Variants in PDCL3 observed in about 807,000 individuals in gnomAD.
PDCL3 encodes phosducin like 3, also known as phosducin-like protein 3.
PDCL3 carries 22 observed loss-of-function variants against 26.5 expected under a neutral mutation model. That is an observed-to-expected ratio of 0.83 (90% CI 0.59 to 1.19). The LOEUF is 1.19. PDCL3 is among the 50% of genes most tolerant of loss of function. The pLI, the probability that PDCL3 is intolerant of heterozygous loss-of-function variation, is 0.00. For missense variants in PDCL3, 246 were observed against 294.1 expected, an observed-to-expected ratio of 0.84 and a Z score of 1.20; for synonymous variants, 81 against 104.9, an observed-to-expected ratio of 0.77 and a Z score of 1.39.
chr2:100,574,006 TA>T (rs1255508905), intron 5 of PDCL3, among the ~76,000 whole-genome samples: 1 of 152,092 alleles, frequency 6.6e-6, no homozygotes, highest in Non-Finnish European at 1.5e-5. Context: ...GAGATATATA[TA>T]TTTTTTTAAT....
At chr2:100,575,775 T>G (rs1216600675) in intron 5 of PDCL3, among the ~76,000 whole-genome samples, 1 of 152,232 alleles carries the variant, frequency 6.6e-6, no homozygotes, top group Admixed American at 6.5e-5. Context: ...GACATGAGGC[T>G]GAAGAGTTTA....
chr2:100,575,533 C>T (rs1470979804), intron 5 of PDCL3, among the ~76,000 whole-genome samples: 1 of 152,188 alleles, frequency 6.6e-6, no homozygotes, highest in Non-Finnish European at 1.5e-5. Context: ...TTACGTAGTC[C>T]TTTGGTTCTG....
chr2:100,572,363 C>T (rs1208167218), intron 5 of PDCL3, among the ~76,000 whole-genome samples: 2 of 151,886 alleles, frequency 1.3e-5, no homozygotes, highest in African/African-American at 2.4e-5. Flanking sequence ...TGGCACCTAC[C>T]ACCACGCCCA....
At chr2:100,568,672 T>C (rs761731629) in intron 2 of PDCL3, among the ~76,000 whole-genome samples, 1 of 151,970 alleles carries the variant, frequency 6.6e-6, no homozygotes, top group Non-Finnish European at 1.5e-5. Context: ...TGAGGCGGAA[T>C]AGGAGAAGAG....
At chr2:100,575,001 C>T (rs796282409) in intron 5 of PDCL3, among the ~76,000 whole-genome samples, 10 of 152,150 alleles carry the variant, frequency 6.6e-5, no homozygotes, top group African/African-American at 1.9e-4. Flanking sequence ...GGGAGATGGG[C>T]GGGAGGATCA....
intron 1 of PDCL3, among the ~76,000 whole-genome samples, chr2:100,564,009 C>T (rs1408775147): frequency 6.7e-6 from 1 of 149,764 alleles, no homozygotes; most frequent in East Asian, 2.0e-4. Flanking sequence ...CCTCCCGGGG[C>T]TAAGCCATCC....
Position 100,566,582 on chromosome 2 carries a change from T to A in PDCL3, c.86T>A (p.Leu29Ter), listed in dbSNP as rs1462024566. Residue 29 changes from leucine (L) to a stop codon, truncating the protein, a stop_gained, in exon 2 of 6, where the codon TTG (leucine) becomes TAG (stop). Transcript: ENST00000264254. LOFTEE classifies it high-confidence loss of function. Reference protein sequence around the residue: ...ILPPKESLKELEEEAEEEQRI... With the variant: ...ILPPKESLKE The stretch of plus-strand genomic sequence containing the variant: ...CCCCCCAAGGAAAGTCTGAAAGAAT[T>A]GGAAGAGGAGGCAGAAGAGGAGCAG... 1.7e-5 allele frequency: 27 copies of A among 1,613,930 alleles called. No individual in the cohort carries two copies. The highest frequency in any genetic ancestry group is 2.2e-5 in the Non-Finnish European group (26 of 1,179,912).
intron 1 of PDCL3, 180 bp downstream of exon 1, chr2:100,563,253 C>T: frequency 1.5e-6 from 1 of 655,492 alleles, no homozygotes; most frequent in Admixed American, 4.2e-5. Flanking sequence ...CCCACCAGGA[C>T]CCACGGCCTG....
At chr2:100,567,736 C>A (rs1228342986) in intron 2 of PDCL3, among the ~76,000 whole-genome samples, 1 of 152,054 alleles carries the variant, frequency 6.6e-6, no homozygotes, top group Non-Finnish European at 1.5e-5. Context: ...CCTCAGCAGA[C>A]CCAGAAGCTT....
Position 100,563,075 on chromosome 2 carries a change from T to C in PDCL3, c.6+2T>C. 3 of 1,604,724 alleles carry C rather than the reference T, an allele frequency of 1.9e-6. No homozygotes were observed. Among genetic ancestry groups the C allele is most frequent in the Non-Finnish European group, 2.6e-6 (3 of 1,176,078 alleles). On this transcript the variant is annotated splice_donor_variant, in intron 1 of 5. Coordinates refer to ENST00000264254, the MANE Select transcript of PDCL3 (RefSeq NM_024065.5). LOFTEE classifies it high-confidence loss of function. Reference sequence around the variant, plus strand: ...AACTGAACTGGAAACAAGATGCAGGTGAGCTAGGACGGGTCTCGGGTCTGG... The same window carrying C: ...AACTGAACTGGAAACAAGATGCAGGCGAGCTAGGACGGGTCTCGGGTCTGG...
At chr2:100,573,391 C>T (rs1362859300) in intron 5 of PDCL3, among the ~76,000 whole-genome samples, 4 of 151,746 alleles carry the variant, frequency 2.6e-5, no homozygotes, top group Middle Eastern at 6.4e-3. Context: ...ACTCATCTGG[C>T]GGCCGGGTGC....
intron 5 of PDCL3, among the ~76,000 whole-genome samples, chr2:100,575,382 A>T (rs1806544): frequency 1.3e-4 from 19 of 151,914 alleles, no homozygotes; most frequent in Non-Finnish European, 2.5e-4. Context: ...TGATCCGCCC[A>T]CCTTGGCCTC....
At position 100,569,730 on chromosome 2, in the gene PDCL3, A is replaced by C; in HGVS notation, c.368+9A>C. ...CACCTTTACAAACAAGGGTGAGCTG[A>C]TCTTCCACTCCATCTATCAAATGTT... On this transcript the variant is annotated intron_variant, in intron 4 of 5. Coordinates refer to ENST00000264254, the MANE Select transcript of PDCL3 (RefSeq NM_024065.5). 6.2e-7 allele frequency: 1 copy of C among 1,604,808 alleles called. No homozygotes were observed. The highest frequency in any genetic ancestry group is 8.5e-7 in the Non-Finnish European group (1 of 1,175,456).
In PDCL3 at chr2:100,565,593, C is replaced by T. The variant is rs147087640; in HGVS notation, c.7-910C>T. Among the ~76,000 whole-genome samples, 104 of 151,888 alleles carry T rather than the reference C, an allele frequency of 6.8e-4. 1 individual carries two copies. The East Asian group carries it at 0.017, about 25-fold the overall frequency. On this transcript the variant is annotated intron_variant, in intron 1 of 5. Transcript: ENST00000264254. ...CCAGCCTGGAAGATTATTTGTAAGC[C>T]CCCAGACTCCTATCACAGATTGCTT...
chr2:100,572,716 C>T (rs1436304633), intron 5 of PDCL3, among the ~76,000 whole-genome samples: 1 of 149,420 alleles, frequency 6.7e-6, no homozygotes, highest in East Asian at 2.0e-4. Context: ...GACAGGGTTT[C>T]TCCATGTGGT....
intron 1 of PDCL3, 138 bp downstream of exon 1, chr2:100,563,211 T>C (rs964023333): frequency 2.7e-6 from 3 of 1,111,448 alleles, no homozygotes; most frequent in Non-Finnish European, 3.7e-6. Flanking sequence ...GTCCAGGCCC[T>C]GCGCAGGCGC....
chr2:100,570,474 CTTTTTTT>C (rs762190373), intron 4 of PDCL3, among the ~76,000 whole-genome samples: 42 of 125,308 alleles, frequency 3.4e-4, no homozygotes, highest in East Asian at 1.2e-3. Context: ...TTAGGAATTT[CTTTTTTT>C]TTTTTTTTTT....
intron 2 of PDCL3, among the ~76,000 whole-genome samples, chr2:100,568,708 G>A (rs937124310): frequency 6.6e-6 from 1 of 152,032 alleles, no homozygotes; most frequent in African/African-American, 2.4e-5. Flanking sequence ...GAGGGCTTGG[G>A]TAAAATGTTG....
intron 2 of PDCL3, among the ~76,000 whole-genome samples, chr2:100,567,173 C>G (rs943330406): frequency 6.6e-6 from 1 of 152,028 alleles, no homozygotes; most frequent in African/African-American, 2.4e-5. Context: ...TAAACAAGTG[C>G]CTTAAAGGAT....
Sources: gnomAD v4.1 joint callset for allele counts (sites outside exome capture counted in the v4.1 genomes callset) on GRCh38, gnomAD v4.1.1 for gene constraint, MANE v1.5 for transcripts, NCBI Gene and HGNC (gene_info 2026-07-23, HGNC 2026-07-21) for gene names.